Variants in SMYD3 observed in about 807,000 individuals in gnomAD.
SMYD3 encodes the protein SET and MYND domain containing 3, also known as histone-lysine N-methyltransferase SMYD3.
Under a neutral mutation model 57.7 loss-of-function variants are expected in SMYD3, and 36 were observed. The observed-to-expected ratio is 0.62, with a 90% CI of 0.48 to 0.82. The LOEUF (loss-of-function observed/expected upper bound fraction) is 0.82, where lower values mean the gene tolerates loss of function less well. Ranked by LOEUF, SMYD3 falls within the 40% of genes least tolerant of loss-of-function variation. SMYD3 has a pLI of 0.00. For missense variants in SMYD3, 515 were observed against 538.8 expected, an observed-to-expected ratio of 0.96 and a Z score of 0.44; for synonymous variants, 211 against 195.0, an observed-to-expected ratio of 1.08 and a Z score of -0.68.
chr1:246,449,851 GTTTT>G (rs367920359), intron 1 of SMYD3, among the ~76,000 whole-genome samples: 1 of 151,996 alleles, frequency 6.6e-6, no homozygotes, highest in Non-Finnish European at 1.5e-5. Flanking sequence ...GTGTGGAAAG[GTTTT>G]TTTTGTTTGT....
chr1:245,838,045 C>T (rs944223020), intron 10 of SMYD3, among the ~76,000 whole-genome samples: 5 of 151,818 alleles, frequency 3.3e-5, no homozygotes, highest in African/African-American at 9.7e-5. Context: ...TTTTTCCATT[C>T]CCCTTAGGTC....
chr1:246,093,484 G>A (rs537707728), intron 5 of SMYD3, among the ~76,000 whole-genome samples: 1 of 152,252 alleles, frequency 6.6e-6, no homozygotes, highest in South Asian at 2.1e-4. Flanking sequence ...GATAAGCCTG[G>A]AGGACATTAT....
At chr1:245,806,884 T>G (rs1179723632) in intron 10 of SMYD3, among the ~76,000 whole-genome samples, 1 of 113,452 alleles carries the variant, frequency 8.8e-6, no homozygotes. Flanking sequence ...CAGTCCGCAA[T>G]CCGGCCTGGG....
chr1:245,887,630 C>G (rs1388989940), intron 8 of SMYD3, among the ~76,000 whole-genome samples: 2 of 152,300 alleles, frequency 1.3e-5, no homozygotes, highest in South Asian at 2.1e-4. Flanking sequence ...GTCAATGTCT[C>G]CTGTGAAGTC....
intron 10 of SMYD3, among the ~76,000 whole-genome samples, chr1:245,852,874 G>T (rs1196649466): frequency 6.6e-6 from 1 of 152,114 alleles, no homozygotes; most frequent in African/African-American, 2.4e-5. Flanking sequence ...CTTACAAAAT[G>T]GACAGCAAAC....
chr1:246,494,161 T>C (rs1423646091), intron 1 of SMYD3, among the ~76,000 whole-genome samples: 1 of 152,216 alleles, frequency 6.6e-6, no homozygotes, highest in Non-Finnish European at 1.5e-5. Flanking sequence ...GAGTTGTACC[T>C]AGAAAATAAA....
chr1:246,373,167 G>A (rs1000134120), intron 1 of SMYD3, among the ~76,000 whole-genome samples: 11 of 151,844 alleles, frequency 7.2e-5, no homozygotes, highest in African/African-American at 2.2e-4. Flanking sequence ...GATACGAATT[G>A]GGGTGATTTC....
At chr1:246,017,683 C>T (rs1429846522) in intron 5 of SMYD3, among the ~76,000 whole-genome samples, 4 of 152,164 alleles carry the variant, frequency 2.6e-5, no homozygotes, top group Non-Finnish European at 5.9e-5. Flanking sequence ...TGTTATCTGT[C>T]AGACTTCTCC....
chr1:246,454,454 C>A (rs1398624032), intron 1 of SMYD3, among the ~76,000 whole-genome samples: 2 of 152,180 alleles, frequency 1.3e-5, no homozygotes, highest in Non-Finnish European at 2.9e-5. Context: ...GGGAGAATTT[C>A]TCTCTGAGTT....
At chr1:246,245,092 G>C (rs1034054380) in intron 5 of SMYD3, among the ~76,000 whole-genome samples, 1 of 144,242 alleles carries the variant, frequency 6.9e-6, no homozygotes, top group African/African-American at 2.6e-5. Flanking sequence ...ACTCCATAGA[G>C]TTCCTAAAAG....
At chr1:246,144,033 T>G (rs1339953521) in intron 5 of SMYD3, among the ~76,000 whole-genome samples, 1 of 152,204 alleles carries the variant, frequency 6.6e-6, no homozygotes, top group Non-Finnish European at 1.5e-5. Flanking sequence ...GAGGAAAAGC[T>G]GGAGATTTTC....
chr1:245,848,099 A>G (rs970038771), intron 10 of SMYD3, among the ~76,000 whole-genome samples: 3 of 105,118 alleles, frequency 2.9e-5, no homozygotes, highest in Admixed American at 1.4e-4. Context: ...AACAGAGATA[A>G]AGTCTTTTTT....
intron 1 of SMYD3, among the ~76,000 whole-genome samples, chr1:246,498,962 T>C (rs1347672075): frequency 6.6e-6 from 1 of 151,576 alleles, no homozygotes; most frequent in African/African-American, 2.4e-5. Flanking sequence ...AGATAATTTT[T>C]TGTTTTTTTT....
At chr1:245,783,872 G>A (rs896557165) in intron 10 of SMYD3, among the ~76,000 whole-genome samples, 3 of 152,064 alleles carry the variant, frequency 2.0e-5, no homozygotes, top group African/African-American at 7.2e-5. Context: ...TAAAACATAC[G>A]AAACACAGAT....
At chr1:245,761,016 G>A (rs2045821558) in intron 11 of SMYD3, among the ~76,000 whole-genome samples, 1 of 152,182 alleles carries the variant, frequency 6.6e-6, no homozygotes, top group Admixed American at 6.5e-5. Flanking sequence ...TGGTGGGACT[G>A]GAACCTGAAC....
intron 1 of SMYD3, among the ~76,000 whole-genome samples, chr1:246,387,495 G>A (rs1020384411): frequency 6.6e-6 from 1 of 152,186 alleles, no homozygotes; most frequent in African/African-American, 2.4e-5. Context: ...CCATGTGCCA[G>A]ACATTGTGTT....
At chr1:246,139,164 T>C (rs1037115541) in intron 5 of SMYD3, among the ~76,000 whole-genome samples, 3 of 152,220 alleles carry the variant, frequency 2.0e-5, no homozygotes, top group African/African-American at 7.2e-5. Flanking sequence ...CTGATTAAGC[T>C]TCCTGGGAAA....
chr1:246,060,244 T>C (rs997152241), intron 5 of SMYD3, among the ~76,000 whole-genome samples: 1 of 151,696 alleles, frequency 6.6e-6, no homozygotes, highest in Admixed American at 6.6e-5. Flanking sequence ...GCCACGATTA[T>C]GCCACTGCAC....
chr1:246,368,765 G>A (rs369221918), intron 1 of SMYD3, among the ~76,000 whole-genome samples: 26 of 152,202 alleles, frequency 1.7e-4, no homozygotes, highest in African/African-American at 5.8e-4. Flanking sequence ...GCAGGAGATC[G>A]TGAAAAGGCT....
Sources: gnomAD v4.1 joint callset for allele counts (sites outside exome capture counted in the v4.1 genomes callset) on GRCh38, gnomAD v4.1.1 for gene constraint, MANE v1.5 for transcripts, NCBI Gene and HGNC (gene_info 2026-07-23, HGNC 2026-07-21) for gene names.